XKR4: variants seen among roughly 807,000 people sequenced by gnomAD.
XKR4 encodes XK related 4, also known as XK-related protein 4.
In XKR4, 12 loss-of-function variants were observed where a neutral mutation model predicts 53.9. That is an observed-to-expected ratio of 0.22 (90% CI 0.14 to 0.36). The LOEUF (loss-of-function observed/expected upper bound fraction) is 0.36, where lower values mean the gene tolerates loss of function less well. Ranked by LOEUF, XKR4 falls within the 10% of genes least tolerant of loss-of-function variation. XKR4 has a pLI of 1.00. For synonymous variants in XKR4, 354 were observed against 362.4 expected (o/e 0.98, Z 0.26); for missense variants, 799 against 859.5 (o/e 0.93, Z 0.88).
At chr8:55,255,833 G>A (rs985632729) in intron 1 of XKR4, among the ~76,000 whole-genome samples, 4 of 152,064 alleles carry the variant, frequency 2.6e-5, no homozygotes, top group Non-Finnish European at 5.9e-5. Context: ...CGATACAAAT[G>A]AGTGTCCGTT....
At chr8:55,356,513 C>G (rs775470488) in intron 1 of XKR4, among the ~76,000 whole-genome samples, 16 of 152,118 alleles carry the variant, frequency 1.1e-4, no homozygotes, top group Non-Finnish European at 2.1e-4. Context: ...CCTGTTTGGA[C>G]TGCATTTCAA....
chr8:55,453,652 C>G (rs146572965), intron 2 of XKR4: 136 of 422,118 alleles, frequency 3.2e-4, no homozygotes, highest in African/African-American at 1.6e-3. Context: ...GCATGGCGCC[C>G]TCATCCAGCC....
At chr8:55,503,671 T>C (rs983078727) in intron 2 of XKR4, among the ~76,000 whole-genome samples, 1 of 152,202 alleles carries the variant, frequency 6.6e-6, no homozygotes, top group African/African-American at 2.4e-5. Context: ...ATTCTTCTTT[T>C]CTCATTTGCA....
At chr8:55,348,743 A>T (rs536938170) in intron 1 of XKR4, among the ~76,000 whole-genome samples, 1 of 151,714 alleles carries the variant, frequency 6.6e-6, no homozygotes, top group South Asian at 2.1e-4. Flanking sequence ...TGATAGATAA[A>T]AGAGACAGAA....
At chr8:55,502,591 G>T (rs1806461810) in intron 2 of XKR4, among the ~76,000 whole-genome samples, 2 of 143,686 alleles carry the variant, frequency 1.4e-5, no homozygotes. Flanking sequence ...GGGTGGGGAG[G>T]TTGTTATTGA....
At chr8:55,392,828 A>C (rs2129388869) in intron 2 of XKR4, among the ~76,000 whole-genome samples, 1 of 152,246 alleles carries the variant, frequency 6.6e-6, no homozygotes, top group Admixed American at 6.5e-5. Flanking sequence ...AACAAGGAAA[A>C]GTTCAAAAGA....
intron 1 of XKR4, among the ~76,000 whole-genome samples, chr8:55,219,100 G>A (rs1230256745): frequency 6.6e-6 from 1 of 151,354 alleles, no homozygotes; most frequent in Non-Finnish European, 1.5e-5. Context: ...TCCCTTGTTA[G>A]AGTTGGGTTT....
intron 1 of XKR4, chr8:55,139,949 T>A (rs1316556527): frequency 4.4e-6 from 1 of 227,306 alleles, no homozygotes; most frequent in African/African-American, 2.3e-5. Flanking sequence ...ATTTACCAAG[T>A]TTTATGTAAT....
At chr8:55,396,305 A>C (rs1242255314) in intron 2 of XKR4, among the ~76,000 whole-genome samples, 1 of 148,354 alleles carries the variant, frequency 6.7e-6, no homozygotes, top group Non-Finnish European at 1.5e-5. Context: ...CCTTATTTTC[A>C]CTTCTTTATC....
intron 1 of XKR4, among the ~76,000 whole-genome samples, chr8:55,315,542 C>G (rs904511958): frequency 8.5e-5 from 13 of 152,110 alleles, no homozygotes; most frequent in Non-Finnish European, 1.0e-4. Flanking sequence ...GCCTGTAGTC[C>G]TAGCTAATTG....
At chr8:55,486,009 T>C (rs1806185192) in intron 2 of XKR4, among the ~76,000 whole-genome samples, 1 of 152,220 alleles carries the variant, frequency 6.6e-6, no homozygotes, top group South Asian at 2.1e-4. Context: ...GAAAGAATAC[T>C]ACTTCATAGG....
At chr8:55,518,471 AT>A (rs1806748153) in intron 2 of XKR4, among the ~76,000 whole-genome samples, 1 of 152,236 alleles carries the variant, frequency 6.6e-6, no homozygotes, top group Admixed American at 6.5e-5. Flanking sequence ...ACAAGTATTT[AT>A]CCCCGCCTAA....
rs1006409434 is a variant in XKR4 at position 55,285,600 on chromosome 8, T to C, written c.807-72078T>C. The stretch of plus-strand genomic sequence containing the variant: ...AGCAAGGCTTGCTAATACCTTTTAA[T>C]TGAATTGAAACAGGAAGAGAACTCC... On this transcript the variant is annotated intron_variant, in intron 1 of 2. Coordinates refer to ENST00000327381, the MANE Select transcript of XKR4 (RefSeq NM_052898.2). 5.9e-5 allele frequency among the ~76,000 whole-genome samples: 9 copies of C among 152,328 alleles called. No individual in the cohort carries two copies. In the South Asian group the frequency reaches 1.2e-3, roughly 21 times the overall value.
At position 55,452,007 on chromosome 8, in the gene XKR4, T is replaced by C; in HGVS notation, c.1007-71274T>C. 3.9e-6 allele frequency: 3 copies of C among 771,670 alleles called. No homozygotes were observed. The South Asian group carries it at 4.2e-5, about 11-fold the overall frequency. The allele number at this position is 771,670 out of a possible 1,614,324, so 47.8% of individuals were successfully genotyped here. ...GACATGCTGCCGCCCGATGGTCTTC[T>C]TGACGTTCTTAACCAGGTTCCAGGA... On this transcript the variant is annotated intron_variant, in intron 2 of 2. Transcript: ENST00000327381.
At chr8:55,455,935 T>A (rs977561721) in intron 2 of XKR4, among the ~76,000 whole-genome samples, 1 of 152,208 alleles carries the variant, frequency 6.6e-6, no homozygotes, top group Non-Finnish European at 1.5e-5. Context: ...TAGCTACATG[T>A]CATGGGGAAG....
chr8:55,130,333 T>C (rs1407655998), intron 1 of XKR4, among the ~76,000 whole-genome samples: 4 of 152,174 alleles, frequency 2.6e-5, no homozygotes, highest in Admixed American at 2.0e-4. Context: ...AGCAGAAAGC[T>C]GAAGCAAGTG....
At chr8:55,352,945 A>G (rs1421865808) in intron 1 of XKR4, among the ~76,000 whole-genome samples, 1 of 152,242 alleles carries the variant, frequency 6.6e-6, no homozygotes, top group Non-Finnish European at 1.5e-5. Flanking sequence ...TAATGGATGG[A>G]AGTGTCTCCC....
At chr8:55,212,349 A>G (rs1817742480) in intron 1 of XKR4, among the ~76,000 whole-genome samples, 1 of 152,218 alleles carries the variant, frequency 6.6e-6, no homozygotes, top group Non-Finnish European at 1.5e-5. Flanking sequence ...TTGCAGGGCC[A>G]TTTCAAAGTA....
chr8:55,472,934 C>T (rs967833483), intron 2 of XKR4, among the ~76,000 whole-genome samples: 15 of 152,046 alleles, frequency 9.9e-5, no homozygotes, highest in African/African-American at 3.1e-4. Flanking sequence ...AATTTTTATA[C>T]TTTCCCTACC....
Sources: gnomAD v4.1 joint callset for allele counts (sites outside exome capture counted in the v4.1 genomes callset) on GRCh38, gnomAD v4.1.1 for gene constraint, MANE v1.5 for transcripts, NCBI Gene and HGNC (gene_info 2026-07-23, HGNC 2026-07-21) for gene names.